NEO1: variants seen among roughly 807,000 people sequenced by gnomAD.
NEO1 encodes neogenin 1, also known as neogenin.
A neutral mutation model predicts 159.7 loss-of-function variants in NEO1; 63 were observed. The ratio of observed to expected loss-of-function variants is 0.39; its 90% CI spans 0.32 to 0.49. The LOEUF is 0.49. Among genes scored for constraint, NEO1 ranks in the 20% least tolerant of loss-of-function variants. The pLI is 0.85. For missense variants in NEO1, 1,615 were observed against 1,831.0 expected (o/e 0.88, Z 2.15); for synonymous variants, 633 against 662.0 (o/e 0.96, Z 0.67).
chr15:73,201,954 C>CT (rs1206304409), intron 7 of NEO1, among the ~76,000 whole-genome samples: 8,805 of 83,440 alleles, frequency 0.11, 782 homozygotes, highest in African/African-American at 0.21. Flanking sequence ...CTATATCATT[C>CT]TTTTTTTTTT....
chr15:73,145,424 C>T (rs1197296146), intron 5 of NEO1, among the ~76,000 whole-genome samples: 1 of 152,160 alleles, frequency 6.6e-6, no homozygotes, highest in Non-Finnish European at 1.5e-5. Context: ...AGCAGTTCCA[C>T]ATCTGATAAT....
intron 1 of NEO1, among the ~76,000 whole-genome samples, chr15:73,065,077 A>G (rs937366342): frequency 2.0e-5 from 3 of 151,942 alleles, no homozygotes; most frequent in African/African-American, 4.8e-5. Context: ...TGTTATTTGT[A>G]TGATTTCATG....
chr15:73,243,223 TAAAAG>T (rs1433739177), intron 8 of NEO1, among the ~76,000 whole-genome samples: 7 of 152,084 alleles, frequency 4.6e-5, no homozygotes, highest in African/African-American at 1.7e-4. Flanking sequence ...TAAAGTAACT[TAAAAG>T]AACTATAGAA....
At chr15:73,221,200 C>A (rs1049151108) in intron 7 of NEO1, among the ~76,000 whole-genome samples, 11 of 152,194 alleles carry the variant, frequency 7.2e-5, no homozygotes, top group African/African-American at 2.7e-4. Context: ...ACTCCAGACC[C>A]TGTTTGCCTG....
chr15:73,259,370 AT>A (rs10623352), intron 14 of NEO1, among the ~76,000 whole-genome samples: 49 of 135,554 alleles, frequency 3.6e-4, no homozygotes, highest in Admixed American at 1.3e-3. Flanking sequence ...CATTTTACTA[AT>A]TTTTTTTTTT....
At chr15:73,260,509 T>C in intron 15 of NEO1, 44 bp downstream of exon 15, 1 of 1,434,110 alleles carries the variant, frequency 7.0e-7, no homozygotes, top group South Asian at 1.7e-5. Context: ...GGGAGATTCC[T>C]TTCTTTTTAA....
chr15:73,083,435 CAT>C (rs199521348), intron 1 of NEO1, among the ~76,000 whole-genome samples: 2 of 151,302 alleles, frequency 1.3e-5, no homozygotes, highest in Non-Finnish European at 1.5e-5. Flanking sequence ...AAATATAAAA[CAT>C]ATATATATAT....
rs141402860 is a variant in NEO1, at chr15:73,242,002, T to C, written c.1452-2342T>C. On this transcript the variant is annotated intron_variant, in intron 8 of 28. Coordinates refer to ENST00000261908, the MANE Select transcript of NEO1 (RefSeq NM_002499.4). ...GATTTTCGTTTATTCATTCAATGTA[T>C]GTTTGGGATGCAGCTTCCCTGTATG... Among the ~76,000 whole-genome samples the C allele has an allele frequency of 4.6e-5, 7 of 152,298 alleles. No homozygotes were observed. In the East Asian group the frequency reaches 1.4e-3, roughly 29 times the overall value.
At chr15:73,122,847 T>A in intron 3 of NEO1, 47 bp downstream of exon 3, 1 of 1,597,116 alleles carries the variant, frequency 6.3e-7, no homozygotes, top group East Asian at 2.2e-5. Context: ...TATGAATGGG[T>A]AAACATTGTT....
chr15:73,206,571 A>C (rs1001217965), intron 7 of NEO1, among the ~76,000 whole-genome samples: 1 of 152,154 alleles, frequency 6.6e-6, no homozygotes, highest in African/African-American at 2.4e-5. Flanking sequence ...GGCTCAGACT[A>C]TCCAAAAATA....
intron 5 of NEO1, chr15:73,143,197 T>G (rs1820081419): frequency 6.2e-6 from 1 of 162,340 alleles, no homozygotes; most frequent in South Asian, 1.8e-4. Context: ...GTGGCAGATG[T>G]AAGAACAGGA....
At chr15:73,216,870 T>G (rs1596367516) in intron 7 of NEO1, among the ~76,000 whole-genome samples, 4 of 152,346 alleles carry the variant, frequency 2.6e-5, no homozygotes, top group South Asian at 4.1e-4. Context: ...TTTCTCCCAT[T>G]CTGTAGGTTG....
At position 73,288,569 on chromosome 15, in the gene NEO1, G is replaced by A. The variant is rs2042037722; in HGVS notation, c.3649+18G>A. 3.1e-6 allele frequency: 5 copies of A among 1,591,130 alleles called. No homozygotes were observed. Among genetic ancestry groups the A allele is most frequent in the Non-Finnish European group, 4.3e-6 (5 of 1,161,910 alleles). ...ATACAGAGGTACCATTTTAAGTGCA[G>A]GTTTTTTCTCAAATGTTAGGAAACT... On this transcript the variant is annotated intron_variant, in intron 24 of 28. Coordinates refer to ENST00000261908, the MANE Select transcript of NEO1 (RefSeq NM_002499.4).
chr15:73,159,268 G>A (rs1157268942), intron 5 of NEO1, among the ~76,000 whole-genome samples: 1 of 152,216 alleles, frequency 6.6e-6, no homozygotes, highest in African/African-American at 2.4e-5. Context: ...ATACACGTAT[G>A]TGTTGTAATA....
Position 73,175,031 on chromosome 15 carries a change from G to GTTA in NEO1, c.1016-1370_1016-1368dup, listed in dbSNP as rs2035203939. The stretch of plus-strand genomic sequence containing the variant: ...GTACTGTTGTTCTTCATTTACCTAA[G>GTTA]TTATGTAGCTAGTTTAGATTTCTCT... On this transcript the variant is annotated intron_variant, in intron 5 of 28. Coordinates refer to ENST00000261908, the MANE Select transcript of NEO1 (RefSeq NM_002499.4). Among the ~76,000 whole-genome samples, 7 of 151,604 alleles carry GTTA rather than the reference G, an allele frequency of 4.6e-5. No individual in the cohort carries two copies. The South Asian group carries it at 1.5e-3, about 31-fold the overall frequency.
In NEO1 at chr15:73,298,634, C is replaced by A. The variant is rs374902709; in HGVS notation, c.4165+23C>A. The A allele has an allele frequency of 1.9e-6, 3 of 1,613,320 alleles. No individual in the cohort carries two copies. In the African/African-American group the frequency reaches 4.0e-5, roughly 22 times the overall value. ...AAGGTGAGTGAGGATGGCAGCACAC[C>A]TGGAGGGAGCACACCTGGAGTGACC... is the stretch of plus-strand genomic sequence containing the variant. On this transcript the variant is annotated intron_variant, in intron 27 of 28. Coordinates refer to ENST00000261908, the MANE Select transcript of NEO1 (RefSeq NM_002499.4).
intron 7 of NEO1, among the ~76,000 whole-genome samples, chr15:73,220,840 A>G (rs2038205492): frequency 6.6e-6 from 1 of 152,078 alleles, no homozygotes; most frequent in Non-Finnish European, 1.5e-5. Context: ...AATTTTTTTC[A>G]AAGTTTTCAA....
chr15:73,143,395 CT>C (rs2032594714), intron 5 of NEO1: 1 of 157,622 alleles, frequency 6.3e-6, no homozygotes, highest in African/African-American at 2.4e-5. Context: ...TTCTGCTTGC[CT>C]AGCACACACT....
chr15:73,192,694 A>T (rs2036303153), intron 7 of NEO1, among the ~76,000 whole-genome samples: 1 of 152,024 alleles, frequency 6.6e-6, no homozygotes, highest in South Asian at 2.1e-4. Flanking sequence ...TCCAATTTAT[A>T]TTATTAATAA....
Sources: gnomAD v4.1 joint callset for allele counts (sites outside exome capture counted in the v4.1 genomes callset) on GRCh38, gnomAD v4.1.1 for gene constraint, MANE v1.5 for transcripts, NCBI Gene and HGNC (gene_info 2026-07-23, HGNC 2026-07-21) for gene names.